The following PRLR variants were observed in gnomAD, a reference collection of about 807,000 sequenced individuals.
PRLR encodes the protein hPRL receptor.
PRLR carries 13 observed loss-of-function variants against 40.2 expected under a neutral mutation model. The observed-to-expected ratio is 0.32, with a 90% CI of 0.21 to 0.51. The LOEUF (loss-of-function observed/expected upper bound fraction) is 0.51. PRLR is among the 20% of genes least tolerant of loss of function. The probability of loss-of-function intolerance (pLI) is 0.97; values close to 1 mark genes in which losing one functional copy is unlikely to be tolerated. For missense variants in PRLR, 656 were observed against 747.3 expected (o/e 0.88, Z 1.42); for synonymous variants, 269 against 278.7 (o/e 0.97, Z 0.35).
At chr5:35,085,386 C>T (rs1300630050) in intron 4 of PRLR, among the ~76,000 whole-genome samples, 4 of 152,184 alleles carry the variant, frequency 2.6e-5, no homozygotes, top group African/African-American at 7.2e-5. Context: ...GCTGTCTCTA[C>T]CAGCAACTAA....
At chr5:35,122,651 G>T (rs1579698488) in intron 1 of PRLR, among the ~76,000 whole-genome samples, 1 of 152,220 alleles carries the variant, frequency 6.6e-6, no homozygotes, top group Non-Finnish European at 1.5e-5. Flanking sequence ...GATTCAGAAA[G>T]AAATCTGCAA....
chr5:35,084,416 T>C (rs1307228365), intron 5 of PRLR, 54 bp downstream of exon 5: 1 of 1,458,024 alleles, frequency 6.9e-7, no homozygotes, highest in Non-Finnish European at 9.1e-7. Context: ...AGTGTGACTA[T>C]TGGCTAATAC....
chr5:35,106,097 C>A (rs13156190), intron 2 of PRLR, among the ~76,000 whole-genome samples: 35,393 of 152,084 alleles, frequency 0.23, 7,527 homozygotes, highest in African/African-American at 0.57. Flanking sequence ...AAAGAATTTT[C>A]AACCCAGAAT....
intron 1 of PRLR, among the ~76,000 whole-genome samples, chr5:35,178,089 G>A (rs1452774971): frequency 6.6e-6 from 1 of 151,236 alleles, no homozygotes; most frequent in Non-Finnish European, 1.5e-5. Flanking sequence ...ATCTTTTCTT[G>A]TGCTTACTGG....
chr5:35,203,705 A>T (rs1775938927), intron 1 of PRLR, among the ~76,000 whole-genome samples: 1 of 152,190 alleles, frequency 6.6e-6, no homozygotes, highest in Non-Finnish European at 1.5e-5. Flanking sequence ...CAAAGCAATA[A>T]TTCATAGGAA....
chr5:35,091,521 GA>G (rs1771210377), intron 2 of PRLR, among the ~76,000 whole-genome samples: 1 of 152,202 alleles, frequency 6.6e-6, no homozygotes, highest in South Asian at 2.1e-4. Flanking sequence ...GCCCATGGGG[GA>G]AAGATACTTG....
chr5:35,163,870 G>GCATAGTACTAGCA (rs1428811179), intron 1 of PRLR, among the ~76,000 whole-genome samples: 3 of 152,192 alleles, frequency 2.0e-5, no homozygotes, highest in Non-Finnish European at 2.9e-5. Flanking sequence ...CTATGTAGAA[G>GCATAGTACTAGCA]CAGTGTACTA....
At chr5:35,068,729 TA>T in intron 8 of PRLR, 49 bp downstream of exon 8, 1 of 1,341,266 alleles carries the variant, frequency 7.5e-7, no homozygotes, top group Non-Finnish European at 1.1e-6. Context: ...TTTTTGTCAT[TA>T]TCCTTGACTA....
rs549351181 is a variant in PRLR, at chr5:35,065,697, G to T, written c.1261C>A (p.Pro421Thr). ...SKCSTWPLPQ[P>T]SQHNPRSSYH... ...GAGGATCTGGGGTTGTGCTGGCTGG[G>T]CTGTGGTAAGGGCCATGTTGAACAT... The change falls in exon 10 of 10, where the codon CCC becomes ACC. Residue 421 changes from proline to threonine, a missense_variant. This residue lies in a region of PRLR where 469 missense variants were observed against 491.5 expected (regional missense o/e 0.95). Coordinates refer to ENST00000618457, the MANE Select transcript of PRLR (RefSeq NM_000949.7). 48 of 1,614,156 alleles carry T rather than the reference G, an allele frequency of 3.0e-5. No homozygotes were observed. Among genetic ancestry groups the T allele is most frequent in the Admixed American group, 8.3e-5 (5 of 60,020 alleles).
At chr5:35,068,082 C>G in intron 9 of PRLR, 134 bp downstream of exon 9, 1 of 757,978 alleles carries the variant, frequency 1.3e-6, no homozygotes, top group South Asian at 1.6e-5. Flanking sequence ...AACACACATG[C>G]TGACCAGGAG....
At chr5:35,121,974 C>G (rs1433319013) in intron 1 of PRLR, among the ~76,000 whole-genome samples, 1 of 152,084 alleles carries the variant, frequency 6.6e-6, no homozygotes, top group Non-Finnish European at 1.5e-5. Context: ...AGTCCATGCT[C>G]TGAAGAAACT....
At chr5:35,136,887 C>A (rs979218666) in intron 1 of PRLR, among the ~76,000 whole-genome samples, 3 of 150,826 alleles carry the variant, frequency 2.0e-5, no homozygotes, top group African/African-American at 7.4e-5. Context: ...AATTCCCACT[C>A]GATGTTTATG....
At chr5:35,184,152 T>C (rs1407964825) in intron 1 of PRLR, among the ~76,000 whole-genome samples, 3 of 152,188 alleles carry the variant, frequency 2.0e-5, no homozygotes. Context: ...AGATTCATGA[T>C]AGTTGGCTGA....
intron 7 of PRLR, among the ~76,000 whole-genome samples, chr5:35,069,463 A>G (rs1224257021): frequency 6.6e-6 from 1 of 152,194 alleles, no homozygotes; most frequent in Non-Finnish European, 1.5e-5. Context: ...TTGGTCAGGC[A>G]AGTTGTTAGA....
intron 2 of PRLR, among the ~76,000 whole-genome samples, chr5:35,097,507 G>T (rs1329259396): frequency 6.6e-6 from 1 of 152,176 alleles, no homozygotes; most frequent in Admixed American, 6.5e-5. Flanking sequence ...CTCAGGATTT[G>T]ATCTCTGGGG....
chr5:35,116,117 T>C (rs375236533), intron 2 of PRLR, among the ~76,000 whole-genome samples: 2 of 151,974 alleles, frequency 1.3e-5, no homozygotes, highest in East Asian at 3.9e-4. Flanking sequence ...GGGTGGAGGA[T>C]GATGGAGGCT....
At chr5:35,051,881 C>T (rs1768509029), downstream of PRLR, among the ~76,000 whole-genome samples, 1 of 152,052 alleles carries the variant, frequency 6.6e-6, no homozygotes, top group Non-Finnish European at 1.5e-5. Flanking sequence ...AGAGAATTAC[C>T]ACTCCCAGGA....
chr5:35,122,009 G>A (rs1413463181), intron 1 of PRLR, among the ~76,000 whole-genome samples: 2 of 152,144 alleles, frequency 1.3e-5, no homozygotes, highest in Non-Finnish European at 2.9e-5. Context: ...AATAAAGTGG[G>A]AGTTGATACA....
At position 35,063,674 on chromosome 5, in the gene PRLR, A is replaced by G. The variant is rs1038284877; in HGVS notation, c.*1415T>C. On this transcript the variant is annotated 3_prime_UTR_variant, in exon 10 of 10. Coordinates refer to ENST00000618457, the MANE Select transcript of PRLR (RefSeq NM_000949.7). ...GCAATTGAATTTACTTCAGAGAGACACTAACTCCTGGCTTTGCTTAAAATT... is the reference window on the plus strand; with the variant it reads ...GCAATTGAATTTACTTCAGAGAGACGCTAACTCCTGGCTTTGCTTAAAATT... 1.3e-5 allele frequency: 2 copies of G among 152,206 alleles called. No individual in the cohort carries two copies. The highest frequency in any genetic ancestry group is 2.9e-5 in the Non-Finnish European group (2 of 68,036). The allele number at this position is 152,206 out of a possible 1,614,324, so 9.4% of individuals were successfully genotyped here. A position where few individuals can be genotyped will look rare whatever the true frequency, so the allele number is the denominator to read the frequency against.
Sources: gnomAD v4.1 joint callset for allele counts (sites outside exome capture counted in the v4.1 genomes callset) on GRCh38, gnomAD v4.1.1 for gene constraint, gnomAD v4.1.1 regional missense constraint, MANE v1.5 for transcripts, NCBI Gene and HGNC (gene_info 2026-07-23, HGNC 2026-07-21) for gene names.